Variants in EPX observed in about 807,000 individuals in gnomAD.
EPX encodes eosinophil peroxidase.
Under a neutral mutation model 73.0 loss-of-function variants are expected in EPX, and 60 were observed. The observed-to-expected ratio is 0.82, with a 90% CI of 0.67 to 1.02. EPX has a LOEUF of 1.02. Among genes scored for constraint, EPX ranks in the 50% least tolerant of loss-of-function variants. The pLI, the probability that EPX is intolerant of heterozygous loss-of-function variation, is 0.00. For missense variants in EPX, 950 were observed against 973.9 expected, an observed-to-expected ratio of 0.98 and a Z score of 0.33; for synonymous variants, 347 against 389.2, an observed-to-expected ratio of 0.89 and a Z score of 1.28.
Position 58,192,927 on chromosome 17 carries a change from T to C in EPX, c.76+5T>C, listed in dbSNP as rs760491714. ...CCTGTGAGGGCACTGACCCAGGTAATAGTCCCCTAGACAGGCAAGGAGGAG... is the reference window on the plus strand; with the variant it reads ...CCTGTGAGGGCACTGACCCAGGTAACAGTCCCCTAGACAGGCAAGGAGGAG... On this transcript the variant is annotated splice_donor_5th_base_variant and intron_variant, in intron 1 of 12. Coordinates refer to ENST00000225371, the MANE Select transcript of EPX (RefSeq NM_000502.6). 7.4e-6 allele frequency: 12 copies of C among 1,613,610 alleles called. No homozygotes were observed. Among genetic ancestry groups the C allele is most frequent in the Non-Finnish European group, 1.0e-5 (12 of 1,179,570 alleles).
At position 58,193,364 on chromosome 17, in the gene EPX, T is replaced by C; in HGVS notation, c.171-7T>C. On this transcript the variant is annotated splice_polypyrimidine_tract_variant and splice_region_variant and intron_variant, in intron 2 of 12. Coordinates refer to ENST00000225371, the MANE Select transcript of EPX (RefSeq NM_000502.6). ...TCTCCAGCCCTCACTCCTCCTCTCC[T>C]GGGCAGCATCAAGCAGCGGCTTCGC... The C allele has an allele frequency of 6.2e-7, 1 of 1,614,122 alleles. No individual in the cohort carries two copies. The highest frequency in any genetic ancestry group is 1.7e-4 in the Middle Eastern group (1 of 6,030).
chr17:58,204,499 T>C (rs949255073), intron 12 of EPX, 65 bp downstream of exon 12: 2 of 959,884 alleles, frequency 2.1e-6, no homozygotes, highest in Non-Finnish European at 3.3e-6. Context: ...CCTGGATGGA[T>C]GGCTGAGTCC....
In EPX at chr17:58,204,265, A is replaced by C. The variant is rs1172457338; in HGVS notation, c.1990A>C (p.Lys664Gln). 6.2e-7 allele frequency: 1 copy of C among 1,614,180 alleles called. No homozygotes were observed. The highest frequency in any genetic ancestry group is 1.1e-5 in the South Asian group (1 of 91,076). Residue 664 changes from lysine (K) to glutamine (Q), a missense_variant, in exon 12 of 13, where the codon AAG becomes CAG. Coordinates refer to ENST00000225371, the MANE Select transcript of EPX (RefSeq NM_000502.6). Reference protein sequence around the residue: ...KRGVFTKRQRKALSRISLSRI... With the variant: ...KRGVFTKRQRQALSRISLSRI... ...AGGTGTTTTCACCAAAAGACAGCGC[A>C]AGGCCCTGAGCAGAATTTCCTTGTC...
intron 10 of EPX, among the ~76,000 whole-genome samples, chr17:58,200,612 T>G (rs916757706): frequency 6.6e-6 from 1 of 152,156 alleles, no homozygotes; most frequent in African/African-American, 2.4e-5. Context: ...GGCTCCAGCT[T>G]TAGGTTCACC....
intron 8 of EPX, 75 bp from the exon 9 acceptor site, chr17:58,199,464 C>A: frequency 6.6e-7 from 1 of 1,519,056 alleles, no homozygotes; most frequent in South Asian, 1.1e-5. Flanking sequence ...AAGAATATGT[C>A]TGAGCCACCC....
chr17:58,197,101 T>G lies in EPX; in HGVS notation c.964T>G (p.Ser322Ala), dbSNP rs1968268278. The G allele has an allele frequency of 6.2e-7, 1 of 1,614,106 alleles. No homozygotes were observed. The highest frequency in any genetic ancestry group is 1.1e-5 in the South Asian group (1 of 91,088). Reference protein sequence around the residue: ...SMVYGSEVSLSLRLRNRTNYL... With the variant: ...SMVYGSEVSLALRLRNRTNYL... ...GGTGTATGGCAGTGAGGTCTCCCTCTCGCTGCGGCTCCGCAACCGGACCAA... is the reference window on the plus strand; with the variant it reads ...GGTGTATGGCAGTGAGGTCTCCCTCGCGCTGCGGCTCCGCAACCGGACCAA... The change falls in exon 7 of 13, where the codon TCG (serine) becomes GCG (alanine). Residue 322 changes from serine to alanine, a missense_variant. Physicochemically the swap from Ser to Ala is moderately conservative, Grantham distance 99 (BLOSUM62 1). Transcript: ENST00000225371.
chr17:58,195,430 A>T (rs1460256694), intron 6 of EPX, among the ~76,000 whole-genome samples: 1 of 152,146 alleles, frequency 6.6e-6, no homozygotes, highest in Non-Finnish European at 1.5e-5. Flanking sequence ...GCCTTGACCC[A>T]TGGGTCTGAA....
At chr17:58,204,025 C>G (rs1052748717) in intron 11 of EPX, among the ~76,000 whole-genome samples, 197 bp from the exon 12 acceptor site, 1 of 148,294 alleles carries the variant, frequency 6.7e-6, no homozygotes, top group African/African-American at 2.5e-5. Context: ...CAGCCCTGGC[C>G]ACTTAAATTA....
rs923862380 is a variant in EPX at position 58,193,120 on chromosome 17, G to A, written c.159G>A (p.Trp53Ter). The A allele has an allele frequency of 6.2e-7, 1 of 1,610,102 alleles. No individual in the cohort carries two copies. Among genetic ancestry groups the A allele is most frequent in the African/African-American group, 1.3e-5 (1 of 74,866 alleles). ...TGCTGGTGGATGCTGCCTACAATTG[G>A]ACCCAGAAGAGGTGGACTTGGGTCT... ...AKLLVDAAYN[W>*]TQKSIKQRLR... The change falls in exon 2 of 13, where the codon TGG becomes TGA. Residue 53 changes from tryptophan to a stop codon, truncating the protein, a stop_gained. Coordinates refer to ENST00000225371, the MANE Select transcript of EPX (RefSeq NM_000502.6). LOFTEE classifies it high-confidence loss of function.
chr17:58,203,123 G>A lies in EPX; in HGVS notation c.1751G>A (p.Arg584Gln), dbSNP rs758550876. 22 of 1,614,050 alleles carry A rather than the reference G, an allele frequency of 1.4e-5. No individual in the cohort carries two copies. Among genetic ancestry groups the A allele is most frequent in the South Asian group, 1.1e-4 (10 of 91,088 alleles). Residue 584 changes from arginine (R) to glutamine (Q), a missense_variant, in exon 11 of 13, where the codon CGG becomes CAG. By Grantham distance (43) the Arg-to-Gln change is conservative. Coordinates refer to ENST00000225371, the MANE Select transcript of EPX (RefSeq NM_000502.6). Reference sequence around the variant, plus strand: ...CGCTTCTGTGGGCTCTCCCAGCCCCGGAATTTGGCACAGCTTAGCCGGGTG... The same window carrying A: ...CGCTTCTGTGGGCTCTCCCAGCCCCAGAATTTGGCACAGCTTAGCCGGGTG... Reference protein sequence around the residue: ...WRRFCGLSQPRNLAQLSRVLK... With the variant: ...WRRFCGLSQPQNLAQLSRVLK...
chr17:58,204,316 A>T lies in EPX; in HGVS notation c.2041A>T (p.Ile681Phe), dbSNP rs141614306. Residue 681 changes from isoleucine to phenylalanine, a missense_variant, in exon 12 of 13, where the codon ATC becomes TTC. Transcript: ENST00000225371. ...LSRIICDNTG[I>F]TTVSRDIFRA... is the part of the protein sequence containing the mutation. The stretch of plus-strand genomic sequence containing the variant: ...TCGAATTATATGTGACAATACCGGT[A>T]TCACCACGGTTTCAAGGGACATCTT... 10 of 1,613,434 alleles carry T rather than the reference A, an allele frequency of 6.2e-6. No homozygotes were observed. Among genetic ancestry groups the T allele is most frequent in the Non-Finnish European group, 8.5e-6 (10 of 1,179,458 alleles).
chr17:58,198,966 G>C, intron 7 of EPX, 74 bp from the exon 8 acceptor site: 1 of 1,533,502 alleles, frequency 6.5e-7, no homozygotes, highest in Non-Finnish European at 9.0e-7. Context: ...CCCATCCCCA[G>C]CCCTGGGTCT....
At position 58,197,145 on chromosome 17, in the gene EPX, C is replaced by T. The variant is rs748782739; in HGVS notation, c.1008C>T (p.Ala336=). Residue 336 remains alanine (A), a synonymous_variant, in exon 7 of 13, where the codon GCC becomes GCT. Coordinates refer to ENST00000225371, the MANE Select transcript of EPX (RefSeq NM_000502.6). ...GGACCAACTACCTGGGGCTGCTGGCCATCAACCAGCGCTTTCAAGACAACG... is the reference window on the plus strand; with the variant it reads ...GGACCAACTACCTGGGGCTGCTGGCTATCAACCAGCGCTTTCAAGACAACG... The part of the protein sequence containing the change: ...RNRTNYLGLL[A]INQRFQDNGR... 10 of 1,614,168 alleles carry T rather than the reference C, an allele frequency of 6.2e-6. No individual in the cohort carries two copies. Among genetic ancestry groups the T allele is most frequent in the South Asian group, 4.4e-5 (4 of 91,084 alleles).
At position 58,199,924 on chromosome 17, in the gene EPX, G is replaced by A; in HGVS notation, c.1537+130G>A. Reference sequence around the variant, plus strand: ...CTGCTAATATCTCCCCAGGACAGTGGAAACAAGGCAGGTGCCAGCAAGACC... The same window carrying A: ...CTGCTAATATCTCCCCAGGACAGTGAAAACAAGGCAGGTGCCAGCAAGACC... On this transcript the variant is annotated intron_variant, in intron 9 of 12. Transcript: ENST00000225371. 4 of 1,046,154 alleles carry A rather than the reference G, an allele frequency of 3.8e-6. No individual in the cohort carries two copies. The South Asian group carries it at 6.4e-5, about 17-fold the overall frequency. 64.8% of individuals were successfully genotyped at this position (1,046,154 alleles called of 1,614,324 possible). A position where few individuals can be genotyped will look rare whatever the true frequency, so the allele number is the denominator to read the frequency against.
chr17:58,200,539 T>C, intron 10 of EPX, 144 bp downstream of exon 10: 1 of 845,748 alleles, frequency 1.2e-6, no homozygotes, highest in Admixed American at 2.0e-5. Flanking sequence ...CCAAGGTCGA[T>C]GTCCCAAAGC....
intron 10 of EPX, among the ~76,000 whole-genome samples, chr17:58,201,965 C>A (rs1965296294): frequency 6.6e-6 from 1 of 152,214 alleles, no homozygotes; most frequent in Non-Finnish European, 1.5e-5. Flanking sequence ...CTCTTGCAAT[C>A]TCCTCTAATC....
Position 58,192,838 on chromosome 17 carries a change from G to C in EPX, c.-9G>C, listed in dbSNP as rs368957674. On this transcript the variant is annotated 5_prime_UTR_variant, in exon 1 of 13. Transcript: ENST00000225371. ...CTCACTTCCCAGCTGGTGAAGCCTC[G>C]CTGCAGAGATGCATCTGCTCCCAGC... 1 of 1,613,148 alleles carries C rather than the reference G, an allele frequency of 6.2e-7. No individual in the cohort carries two copies. Among genetic ancestry groups the C allele is most frequent in the East Asian group, 2.2e-5 (1 of 44,820 alleles).
In EPX at chr17:58,204,303, T is replaced by C. The variant is rs376073614; in HGVS notation, c.2028T>C (p.Cys676=). 3.7e-6 allele frequency: 6 copies of C among 1,613,468 alleles called. No individual in the cohort carries two copies. Among genetic ancestry groups the C allele is most frequent in the Admixed American group, 1.7e-5 (1 of 60,008 alleles). Residue 676 remains cysteine (C), a synonymous_variant, in exon 12 of 13, where the codon TGT becomes TGC. Transcript: ENST00000225371. ...LSRISLSRII[C]DNTGITTVSR... is the part of the protein sequence containing the mutation. Reference sequence around the variant, plus strand: ...GAATTTCCTTGTCTCGAATTATATGTGACAATACCGGTATCACCACGGTTT... The same window carrying C: ...GAATTTCCTTGTCTCGAATTATATGCGACAATACCGGTATCACCACGGTTT...
chr17:58,193,889 A>G, intron 4 of EPX, 58 bp downstream of exon 4: 1 of 1,605,452 alleles, frequency 6.2e-7, no homozygotes, highest in South Asian at 1.1e-5. Flanking sequence ...CCCTTCCTGC[A>G]CCCACCCTCT....
Sources: gnomAD v4.1 joint callset for allele counts (sites outside exome capture counted in the v4.1 genomes callset) on GRCh38, gnomAD v4.1.1 for gene constraint, MANE v1.5 for transcripts, NCBI Gene and HGNC (gene_info 2026-07-23, HGNC 2026-07-21) for gene names.